The following PLPP3 variants were observed in gnomAD, a reference collection of about 807,000 sequenced individuals.
The protein encoded by PLPP3 is phospholipid phosphatase 3.
PLPP3 carries 6 observed loss-of-function variants against 29.6 expected under a neutral mutation model. That is an observed-to-expected ratio of 0.20 (90% confidence interval 0.11 to 0.40). The LOEUF (loss-of-function observed/expected upper bound fraction) is 0.40. Ranked by LOEUF, PLPP3 falls within the 10% of genes least tolerant of loss-of-function variation. PLPP3 has a pLI of 1.00. For missense variants in PLPP3, 308 were observed against 407.7 expected (o/e 0.76, Z 2.11); for synonymous variants, 152 against 159.7 (o/e 0.95, Z 0.36).
At chr1:56,577,887 C>G (rs1010466996) in intron 1 of PLPP3, among the ~76,000 whole-genome samples, 9 of 151,598 alleles carry the variant, frequency 5.9e-5, no homozygotes, top group Admixed American at 3.9e-4. Context: ...GTTCTGATGA[C>G]AAGTACTGTG....
At chr1:56,554,061 C>T (rs560331835) in intron 1 of PLPP3, among the ~76,000 whole-genome samples, 3 of 146,794 alleles carry the variant, frequency 2.0e-5, no homozygotes, top group African/African-American at 5.2e-5. Flanking sequence ...TTTTCCCCCC[C>T]ACTTTGGCTT....
intron 2 of PLPP3, among the ~76,000 whole-genome samples, chr1:56,534,613 G>A (rs910865684): frequency 4.6e-5 from 7 of 152,124 alleles, no homozygotes; most frequent in Non-Finnish European, 8.8e-5. Flanking sequence ...AATCAGAACC[G>A]GGTTCTGGAT....
At chr1:56,537,140 C>G (rs767254995) in intron 1 of PLPP3, 28 bp from the exon 2 acceptor site, 2 of 1,587,804 alleles carry the variant, frequency 1.3e-6, no homozygotes, top group South Asian at 2.3e-5. Context: ...ATGGCATATA[C>G]CAGAAAAAAA....
At chr1:56,512,347 C>T in intron 4 of PLPP3, 195 bp from the exon 5 acceptor site, 1 of 531,814 alleles carries the variant, frequency 1.9e-6, no homozygotes. Context: ...CACGGTGGCT[C>T]ACGTCTGTAA....
At position 56,579,140 on chromosome 1, in the gene PLPP3, T is replaced by A; in HGVS notation, c.-124A>T. 1 of 1,346,322 alleles carries A rather than the reference T, an allele frequency of 7.4e-7. No homozygotes were observed. Among genetic ancestry groups the A allele is most frequent in the South Asian group, 1.5e-5 (1 of 68,094 alleles). 83.4% of individuals were successfully genotyped at this position (1,346,322 alleles called of 1,614,324 possible). A position where few individuals can be genotyped will look rare whatever the true frequency, so the allele number is the denominator to read the frequency against. On this transcript the variant is annotated 5_prime_UTR_variant, in exon 1 of 6. Coordinates refer to ENST00000371250, the MANE Select transcript of PLPP3 (RefSeq NM_003713.5). Reference sequence around the variant, plus strand: ...CGGATAGTGGCGGGTCGGCCCCGGCTCCGGGCGCGGCGGCTAGAGTGCAGC... The same window carrying A: ...CGGATAGTGGCGGGTCGGCCCCGGCACCGGGCGCGGCGGCTAGAGTGCAGC...
chr1:56,500,290 A>G (rs1645658291), intron 5 of PLPP3, among the ~76,000 whole-genome samples: 1 of 152,220 alleles, frequency 6.6e-6, no homozygotes, highest in Admixed American at 6.5e-5. Context: ...ACCACAATAC[A>G]GCATATTAAG....
chr1:56,524,102 C>G lies in PLPP3; in HGVS notation c.575+175G>C, dbSNP rs1401810538. Among the ~76,000 whole-genome samples, 1 of 152,190 alleles carries G rather than the reference C, an allele frequency of 6.6e-6. No homozygotes were observed. Among genetic ancestry groups the G allele is most frequent in the African/African-American group, 2.4e-5 (1 of 41,442 alleles). On this transcript the variant is annotated intron_variant, in intron 3 of 5. Coordinates refer to ENST00000371250, the MANE Select transcript of PLPP3 (RefSeq NM_003713.5). This position sits in a 1 kb window ranked among gnomAD's most constrained non-coding sequence, Gnocchi z 4.3. The stretch of plus-strand genomic sequence containing the variant: ...GAATGAATGAATGTACCTACCCATG[C>G]TATATCGGAAGTATTGATTTACATA...
intron 2 of PLPP3, among the ~76,000 whole-genome samples, chr1:56,536,417 C>G (rs1376374372): frequency 6.6e-6 from 1 of 152,130 alleles, no homozygotes; most frequent in Non-Finnish European, 1.5e-5. Context: ...TTCTACTAGC[C>G]TCCCTTCCCC....
rs1463828625 is a variant in PLPP3 at position 56,557,042 on chromosome 1, G to A, written c.140-19930C>T. Among the ~76,000 whole-genome samples, 50 of 31,984 alleles carry A rather than the reference G, an allele frequency of 1.6e-3. 9 individuals are homozygous for A. The highest frequency in any genetic ancestry group is 3.4e-3 in the African/African-American group (43 of 12,722). 21.0% of individuals were successfully genotyped at this position (31,984 alleles called of 152,430 possible). On this transcript the variant is annotated intron_variant, in intron 1 of 5. Transcript: ENST00000371250. ...AGAGAGAGAAAGAGAGAGAGAGAGAGAGAGAGAGAGAGAGAGAAAGAAAGA... is the reference window on the plus strand; with the variant it reads ...AGAGAGAGAAAGAGAGAGAGAGAGAAAGAGAGAGAGAGAGAGAAAGAAAGA...
intron 1 of PLPP3, among the ~76,000 whole-genome samples, chr1:56,565,519 C>T (rs963860723): frequency 1.3e-5 from 2 of 152,124 alleles, no homozygotes; most frequent in African/African-American, 2.4e-5. Context: ...CTCCCAGGCT[C>T]AAGCGATTCT....
intron 4 of PLPP3, among the ~76,000 whole-genome samples, chr1:56,523,184 A>C (rs1645830862): frequency 6.6e-6 from 1 of 152,204 alleles, no homozygotes; most frequent in South Asian, 2.1e-4. Flanking sequence ...CATGGAGCAG[A>C]AGTATTTTGC....
At chr1:56,571,114 A>T (rs1212832937) in intron 1 of PLPP3, among the ~76,000 whole-genome samples, 1 of 152,224 alleles carries the variant, frequency 6.6e-6, no homozygotes, top group Admixed American at 6.5e-5. Flanking sequence ...TCCACATCCG[A>T]AAAGCAGAAT....
intron 5 of PLPP3, among the ~76,000 whole-genome samples, chr1:56,504,770 C>A (rs964336805): frequency 5.9e-5 from 9 of 152,124 alleles, no homozygotes; most frequent in Non-Finnish European, 1.3e-4. Flanking sequence ...TCTTTCTAGT[C>A]TTCCAACACC....
At chr1:56,547,917 G>C (rs1413014414) in intron 1 of PLPP3, among the ~76,000 whole-genome samples, 1 of 152,218 alleles carries the variant, frequency 6.6e-6, no homozygotes, top group Admixed American at 6.5e-5. Context: ...ACTCTAAAAA[G>C]AGGATGCCAA....
At chr1:56,553,539 A>G (rs114138137) in intron 1 of PLPP3, among the ~76,000 whole-genome samples, 3,827 of 152,276 alleles carry the variant, frequency 0.025, 59 homozygotes, top group South Asian at 0.095. Flanking sequence ...GCACAGCTCA[A>G]ATAAACACTG....
At chr1:56,536,849 G>T in intron 2 of PLPP3, 106 bp downstream of exon 2, 1 of 1,412,486 alleles carries the variant, frequency 7.1e-7, no homozygotes, top group Non-Finnish European at 9.6e-7. Flanking sequence ...GCCAGAGAAA[G>T]TTGGCTTCTA....
intron 1 of PLPP3, among the ~76,000 whole-genome samples, chr1:56,560,983 G>A (rs959248548): frequency 4.2e-4 from 64 of 150,786 alleles, no homozygotes; most frequent in African/African-American, 1.4e-3. Flanking sequence ...GATTACAGGC[G>A]CCTGCCACCA....
Position 56,524,232 on chromosome 1 carries a change from T to TA in PLPP3, c.575+44dup. The TA allele has an allele frequency of 6.2e-7, 1 of 1,607,860 alleles. No individual in the cohort carries two copies. The highest frequency in any genetic ancestry group is 2.2e-5 in the East Asian group (1 of 44,826). On this transcript the variant is annotated intron_variant, in intron 3 of 5. Transcript: ENST00000371250. The surrounding 1 kb of genome is among the most constrained non-coding windows in gnomAD (Gnocchi z 4.3). ...AGTAAGTGCTCACTGAACTGCACTG[T>TA]ATGAAAGGGGTCCAGGCTCTGGCCA...
At chr1:56,503,842 C>T (rs913540031) in intron 5 of PLPP3, among the ~76,000 whole-genome samples, 3 of 152,168 alleles carry the variant, frequency 2.0e-5, no homozygotes, top group Admixed American at 6.5e-5. Context: ...GTGCAGTGCA[C>T]GATCTCCACT....
Sources: allele counts gnomAD v4.1 joint callset (sites outside exome capture counted in the v4.1 genomes callset), GRCh38; gene constraint gnomAD v4.1.1; non-coding constraint Gnocchi (gnomAD v3.1); transcripts MANE v1.5; gene names NCBI Gene and HGNC (gene_info 2026-07-23, HGNC 2026-07-21).